The following TRAK1 variants were observed in gnomAD, a reference collection of about 807,000 sequenced individuals.
TRAK1 encodes trafficking kinesin protein 1, also known as trafficking kinesin-binding protein 1.
TRAK1 carries 33 observed loss-of-function variants against 92.1 expected under a neutral mutation model. That is an observed-to-expected ratio of 0.36 (90% confidence interval 0.27 to 0.48). The LOEUF is 0.48. Among genes scored for constraint, TRAK1 ranks in the 20% least tolerant of loss-of-function variants. TRAK1 has a pLI of 0.99. For missense variants in TRAK1, 1,123 were observed against 1,257.9 expected (o/e 0.89, Z 1.62); for synonymous variants, 521 against 517.3 (o/e 1.01, Z -0.10).
chr3:42,110,094 GTATATATA>G (rs375315730), intron 1 of TRAK1, among the ~76,000 whole-genome samples: 5,207 of 83,192 alleles, frequency 0.063, 396 homozygotes, highest in South Asian at 0.1. Context: ...AGAACTTAAA[GTATATATA>G]TATATATATA....
chr3:42,199,491 T>C (rs1353953563), intron 11 of TRAK1, among the ~76,000 whole-genome samples: 1 of 152,218 alleles, frequency 6.6e-6, no homozygotes, highest in Non-Finnish European at 1.5e-5. Flanking sequence ...TGTCTCACTT[T>C]ATTGGGCACG....
chr3:42,174,759 G>A (rs532270791), intron 2 of TRAK1, among the ~76,000 whole-genome samples: 1 of 150,290 alleles, frequency 6.7e-6, no homozygotes, highest in Admixed American at 6.6e-5. Flanking sequence ...TGGAGACAGG[G>A]TTTTGCCATG....
At chr3:42,136,130 T>A (rs893338525) in intron 2 of TRAK1, among the ~76,000 whole-genome samples, 2 of 152,126 alleles carry the variant, frequency 1.3e-5, no homozygotes, top group African/African-American at 4.8e-5. Context: ...TGTACTTTGG[T>A]TTACTTTTTT....
chr3:42,158,428 G>T (rs1371165181), intron 2 of TRAK1, among the ~76,000 whole-genome samples: 2 of 152,082 alleles, frequency 1.3e-5, no homozygotes, highest in African/African-American at 4.8e-5. Flanking sequence ...CCTTATAGAT[G>T]TGCCCACTGT....
intron 2 of TRAK1, among the ~76,000 whole-genome samples, chr3:42,147,912 G>A (rs1432789879): frequency 6.6e-6 from 1 of 152,118 alleles, no homozygotes; most frequent in Non-Finnish European, 1.5e-5. Context: ...GAGATGGATC[G>A]ATACAAAGTA....
intron 1 of TRAK1, among the ~76,000 whole-genome samples, chr3:42,053,177 G>T (rs75805706): frequency 6.6e-6 from 1 of 152,088 alleles, no homozygotes. Context: ...TTTCTTTCCC[G>T]TTTGTGTAAG....
chr3:42,221,281 A>G (rs571905397), intron 15 of TRAK1, among the ~76,000 whole-genome samples: 1 of 152,182 alleles, frequency 6.6e-6, no homozygotes, highest in Admixed American at 6.5e-5. Flanking sequence ...GAAAAAATCC[A>G]TGTTTAACCT....
At position 42,091,937 on chromosome 3, in the gene TRAK1, G is replaced by A. The variant is rs1325078041; in HGVS notation, c.91+377G>A. ...GGACAGGGTTTCTAAGGCCTCCTCC[G>A]CCTCTCCAGCTCTGATTTCTCTAAT... On this transcript the variant is annotated intron_variant, in intron 1 of 15. Transcript: ENST00000327628. 4.6e-5 allele frequency among the ~76,000 whole-genome samples: 7 copies of A among 152,018 alleles called. No individual in the cohort carries two copies. In the East Asian group the frequency reaches 5.8e-4, roughly 13 times the overall value.
intron 1 of TRAK1, among the ~76,000 whole-genome samples, chr3:42,100,860 G>C (rs955293936): frequency 5.3e-5 from 8 of 151,666 alleles, no homozygotes; most frequent in African/African-American, 1.9e-4. Flanking sequence ...GTAGAGACAG[G>C]GTTTCACCAT....
chr3:42,210,770 C>A, intron 14 of TRAK1: 1 of 985,438 alleles, frequency 1.0e-6, no homozygotes, highest in Non-Finnish European at 1.2e-6. Context: ...ACCAAATAAA[C>A]CTTCGGAGAA....
chr3:42,170,346 G>T (rs142048131), intron 2 of TRAK1, among the ~76,000 whole-genome samples: 1,865 of 152,240 alleles, frequency 0.012, 22 homozygotes, highest in Non-Finnish European at 0.016. Context: ...CCCCAGGTTG[G>T]CTCCCAGGTT....
At chr3:42,161,853 G>A (rs932171766) in intron 2 of TRAK1, among the ~76,000 whole-genome samples, 1 of 152,150 alleles carries the variant, frequency 6.6e-6, no homozygotes, top group African/African-American at 2.4e-5. Context: ...ACGGGATTGA[G>A]GATTTGTTAG....
At chr3:42,196,998 T>TCACA (rs1378434520) in intron 10 of TRAK1, among the ~76,000 whole-genome samples, 1,220 of 94,724 alleles carry the variant, frequency 0.013, 19 homozygotes, top group African/African-American at 0.047. Context: ...TCTCTCTCTC[T>TCACA]CTCTCACACA....
At chr3:42,113,588 A>T (rs1311869946) in intron 1 of TRAK1, among the ~76,000 whole-genome samples, 1 of 151,750 alleles carries the variant, frequency 6.6e-6, no homozygotes, top group Non-Finnish European at 1.5e-5. Context: ...TGATTTTTGT[A>T]TTTTTTAGTA....
intron 1 of TRAK1, among the ~76,000 whole-genome samples, chr3:42,045,065 T>C (rs1702700001): frequency 6.6e-6 from 1 of 152,242 alleles, no homozygotes; most frequent in Admixed American, 6.5e-5. Context: ...ACCATAAATG[T>C]ATGCTCCTGA....
chr3:42,037,508 C>T (rs77336584), intron 1 of TRAK1, among the ~76,000 whole-genome samples: 3,743 of 152,306 alleles, frequency 0.025, 62 homozygotes, highest in East Asian at 0.061. Flanking sequence ...GATGCATAAA[C>T]TGTCATGGTG....
intron 6 of TRAK1, among the ~76,000 whole-genome samples, chr3:42,189,362 G>T (rs979941164): frequency 5.3e-5 from 8 of 152,166 alleles, no homozygotes; most frequent in Non-Finnish European, 1.2e-4. Flanking sequence ...GGACTGGGAA[G>T]AGTTGGAGGG....
chr3:42,162,936 AGAT>A (rs780564653), intron 2 of TRAK1, among the ~76,000 whole-genome samples: 1 of 152,222 alleles, frequency 6.6e-6, no homozygotes, highest in Non-Finnish European at 1.5e-5. Context: ...ACCAAGAGCC[AGAT>A]GATGATGATA....
chr3:42,218,825 T>C, intron 14 of TRAK1: 1 of 985,380 alleles, frequency 1.0e-6, no homozygotes, highest in Non-Finnish European at 1.2e-6. Context: ...CCTGTCCTGC[T>C]CACACTGCTG....
Sources: allele counts gnomAD v4.1 joint callset (sites outside exome capture counted in the v4.1 genomes callset), GRCh38; gene constraint gnomAD v4.1.1; transcripts MANE v1.5; gene names NCBI Gene and HGNC (gene_info 2026-07-23, HGNC 2026-07-21).